The following VPS54 variants were observed in gnomAD, a reference collection of about 807,000 sequenced individuals.
The protein encoded by VPS54 is VPS54 subunit of GARP complex.
In VPS54, 45 loss-of-function variants were observed where a neutral mutation model predicts 121.5. The ratio of observed to expected loss-of-function variants is 0.37; its 90% CI spans 0.29 to 0.47. VPS54 has a LOEUF of 0.47. VPS54 is among the 20% of genes least tolerant of loss of function. The pLI is 0.99. For synonymous variants in VPS54, 371 were observed against 385.8 expected (o/e 0.96, Z 0.45); for missense variants, 1,090 against 1,131.4 (o/e 0.96, Z 0.52).
chr2:64,003,211 A>T (rs1357961376), intron 1 of VPS54, among the ~76,000 whole-genome samples: 1 of 152,184 alleles, frequency 6.6e-6, no homozygotes, highest in African/African-American at 2.4e-5. Flanking sequence ...AAATACAGGA[A>T]AACGGAAAGC....
chr2:63,905,986 T>C (rs1672888867), intron 20 of VPS54, among the ~76,000 whole-genome samples: 1 of 152,140 alleles, frequency 6.6e-6, no homozygotes, highest in South Asian at 2.1e-4. Context: ...TCAACATCTG[T>C]TCATCATATA....
At chr2:63,926,258 A>T (rs1673895794) in intron 12 of VPS54, among the ~76,000 whole-genome samples, 1 of 152,210 alleles carries the variant, frequency 6.6e-6, no homozygotes, top group Non-Finnish European at 1.5e-5. Flanking sequence ...GAAATGTTAC[A>T]TGAGAGAAAT....
At chr2:63,915,333 AC>A (rs1449846478) in intron 16 of VPS54, among the ~76,000 whole-genome samples, 3 of 152,140 alleles carry the variant, frequency 2.0e-5, no homozygotes, top group African/African-American at 4.8e-5. Flanking sequence ...AATAAGATCT[AC>A]GTAAAATAAG....
At chr2:63,999,486 T>C (rs1273886289) in intron 1 of VPS54, among the ~76,000 whole-genome samples, 1 of 152,026 alleles carries the variant, frequency 6.6e-6, no homozygotes, top group African/African-American at 2.4e-5. Context: ...CATTGTATGT[T>C]GTTTCTTTTC....
At chr2:63,896,917 G>T (rs1269553096) in intron 22 of VPS54, among the ~76,000 whole-genome samples, 2 of 152,100 alleles carry the variant, frequency 1.3e-5, no homozygotes, top group Admixed American at 6.5e-5. Context: ...AGCTGAGGGG[G>T]AGTAAGTGAT....
At chr2:63,929,942 AC>A (rs1674107536) in intron 12 of VPS54, among the ~76,000 whole-genome samples, 2 of 152,174 alleles carry the variant, frequency 1.3e-5, no homozygotes, top group Admixed American at 1.3e-4. Flanking sequence ...CGACATATGC[AC>A]CCTCCCAAGA....
rs779536189 is a variant in VPS54 at position 63,914,141 on chromosome 2, C to G, written c.2334+41G>C. 7.3e-6 allele frequency: 11 copies of G among 1,497,786 alleles called. No individual in the cohort carries two copies. In the African/African-American group the frequency reaches 1.5e-4, roughly 21 times the overall value. 92.8% of individuals were successfully genotyped at this position (1,497,786 alleles called of 1,614,324 possible). A position where few individuals can be genotyped will look rare whatever the true frequency, so the allele number is the denominator to read the frequency against. ...TTAGTCACACCCTAATGTATTAATT[C>G]CTCGAAAAATTTTTCCATAATGGAG... On this transcript the variant is annotated intron_variant, in intron 17 of 22. Transcript: ENST00000272322.
chr2:63,917,594 G>A (rs765748039), intron 15 of VPS54, among the ~76,000 whole-genome samples: 1 of 151,964 alleles, frequency 6.6e-6, no homozygotes, highest in Admixed American at 6.6e-5. Context: ...ATTACCATGG[G>A]CAGCTCATTA....
At chr2:64,011,345 G>C (rs1051245989) in intron 1 of VPS54, among the ~76,000 whole-genome samples, 2 of 151,710 alleles carry the variant, frequency 1.3e-5, no homozygotes, top group African/African-American at 2.4e-5. Context: ...AGGCAGGCAG[G>C]TCACAAGGAC....
intron 1 of VPS54, among the ~76,000 whole-genome samples, chr2:63,996,570 G>C (rs559826881): frequency 1.3e-5 from 2 of 152,326 alleles, no homozygotes; most frequent in Non-Finnish European, 2.9e-5. Flanking sequence ...AGCCACGCAG[G>C]ACAGAGCCAT....
chr2:63,917,276 A>G (rs1673429259), intron 15 of VPS54, among the ~76,000 whole-genome samples: 1 of 152,054 alleles, frequency 6.6e-6, no homozygotes, highest in East Asian at 1.9e-4. Context: ...TAATGGTAGA[A>G]ATAATTATCA....
chr2:63,969,114 C>T, intron 4 of VPS54, 123 bp from the exon 5 acceptor site: 1 of 756,644 alleles, frequency 1.3e-6, no homozygotes, highest in Non-Finnish European at 2.1e-6. Context: ...TTTATTCCTT[C>T]AACAAATTAT....
intron 17 of VPS54, 38 bp downstream of exon 17, chr2:63,914,144 C>G (rs748725980): frequency 6.5e-7 from 1 of 1,527,894 alleles, no homozygotes; most frequent in Non-Finnish European, 9.0e-7. Flanking sequence ...ATTAATTCCT[C>G]GAAAAATTTT....
In VPS54 at chr2:63,901,705, A is replaced by G. The variant is rs143143357; in HGVS notation, c.2626-2124T>C. On this transcript the variant is annotated intron_variant, in intron 20 of 22. Transcript: ENST00000272322. ...CTCTCACCACTGGGGTCACGGTGTG[A>G]AGCCAGGAACAAAACATGCCTGCTC... 7.9e-5 allele frequency among the ~76,000 whole-genome samples: 12 copies of G among 152,298 alleles called. 1 individual carries two copies. Among genetic ancestry groups the G allele is most frequent in the African/African-American group, 9.6e-5 (4 of 41,576 alleles).
Position 63,893,334 on chromosome 2 carries a change from G to T in VPS54, c.*96C>A. ...CTTCCCCCACCCCAGTTCACTTTGG[G>T]TTTCAGGTTCAATTCTCGAATCACA... On this transcript the variant is annotated 3_prime_UTR_variant, in exon 23 of 23. Coordinates refer to ENST00000272322, the MANE Select transcript of VPS54 (RefSeq NM_016516.3). 1 of 1,096,298 alleles carries T rather than the reference G, an allele frequency of 9.1e-7. No individual in the cohort carries two copies. The highest frequency in any genetic ancestry group is 1.4e-6 in the Non-Finnish European group (1 of 708,438). 67.9% of individuals were successfully genotyped at this position (1,096,298 alleles called of 1,614,324 possible).
Position 63,912,590 on chromosome 2 carries a change from G to T in VPS54, c.2494C>A (p.Leu832Ile). ...AGCATGCTATATTGCTTAGGTGGTA[G>T]TCGAGCTTCAAAATGAGCCCGGATC... ...PVIRAHFEARLPPKQYSMLRH... is the reference protein window; with the variant it reads ...PVIRAHFEARIPPKQYSMLRH... Residue 832 changes from leucine (L) to isoleucine (I), a missense_variant, in exon 19 of 23, where the codon CTA (leucine) becomes ATA (isoleucine). Leu to Ile is a conservative substitution (Grantham distance 5). Transcript: ENST00000272322. 6.3e-7 allele frequency: 1 copy of T among 1,597,090 alleles called. No individual in the cohort carries two copies.
intron 12 of VPS54, among the ~76,000 whole-genome samples, chr2:63,927,390 G>C (rs1305765608): frequency 6.6e-6 from 1 of 152,154 alleles, no homozygotes; most frequent in Non-Finnish European, 1.5e-5. Context: ...TGGACCTCCA[G>C]CAAACTCCAA....
rs1288846389 is a variant in VPS54, at chr2:63,962,307, A to T, written c.761T>A (p.Met254Lys). The change falls in exon 7 of 23, where the codon ATG becomes AAG. Residue 254 changes from methionine to lysine, a missense_variant. Transcript: ENST00000272322. ...AATCTGTGCAATTTTATCTCGAAGCATTTTTACAGCCTGGGAAGTTTTCCT... is the reference window on the plus strand; with the variant it reads ...AATCTGTGCAATTTTATCTCGAAGCTTTTTTACAGCCTGGGAAGTTTTCCT... ...YLRKTSQAVK[M>K]LRDKIAQIDK... 4 of 1,614,014 alleles carry T rather than the reference A, an allele frequency of 2.5e-6. No homozygotes were observed. Among genetic ancestry groups the T allele is most frequent in the Middle Eastern group, 1.6e-4 (1 of 6,062 alleles).
intron 20 of VPS54, among the ~76,000 whole-genome samples, chr2:63,909,346 T>C (rs942395406): frequency 6.6e-6 from 1 of 151,902 alleles, no homozygotes; most frequent in African/African-American, 2.4e-5. Context: ...AACATTAGTC[T>C]AGCTGTTAGT....
Sources: gnomAD v4.1 joint callset for allele counts (sites outside exome capture counted in the v4.1 genomes callset) on GRCh38, gnomAD v4.1.1 for gene constraint, MANE v1.5 for transcripts, NCBI Gene and HGNC (gene_info 2026-07-23, HGNC 2026-07-21) for gene names.